The following PHACTR1 variants were observed in gnomAD, a reference collection of about 807,000 sequenced individuals.
PHACTR1 encodes the protein RPEL repeat containing 1.
PHACTR1 carries 16 observed loss-of-function variants against 69.2 expected under a neutral mutation model. That is an observed-to-expected ratio of 0.23 (90% CI 0.16 to 0.35). The LOEUF is 0.35. PHACTR1 is among the 10% of genes least tolerant of loss of function. PHACTR1 has a pLI of 1.00. For missense variants in PHACTR1, 510 were observed against 734.7 expected (o/e 0.69, Z 3.54); for synonymous variants, 312 against 284.5 (o/e 1.10, Z -0.97).
chr6:12,868,666 A>G (rs1781720612), intron 4 of PHACTR1, among the ~76,000 whole-genome samples: 1 of 152,166 alleles, frequency 6.6e-6, no homozygotes, highest in African/African-American at 2.4e-5. Context: ...AAAGTTGTCA[A>G]ATTCTTTCTT....
At chr6:12,780,207 C>G (rs976156981) in intron 4 of PHACTR1, among the ~76,000 whole-genome samples, 4 of 151,242 alleles carry the variant, frequency 2.6e-5, no homozygotes, top group African/African-American at 9.7e-5. Flanking sequence ...AAGCCCAAAT[C>G]TAGAAGATAG....
At chr6:13,201,151 A>G (rs1765182457) in intron 7 of PHACTR1, among the ~76,000 whole-genome samples, 1 of 152,106 alleles carries the variant, frequency 6.6e-6, no homozygotes, top group South Asian at 2.1e-4. Context: ...CCATCCAGGA[A>G]CTAGCTGGGA....
chr6:13,084,362 G>A (rs1362417431), intron 5 of PHACTR1, among the ~76,000 whole-genome samples: 3 of 133,138 alleles, frequency 2.3e-5, no homozygotes, highest in Non-Finnish European at 4.8e-5. Context: ...ATCACACACC[G>A]GGGACTGTTG....
intron 3 of PHACTR1, among the ~76,000 whole-genome samples, chr6:12,742,116 G>A (rs1438543200): frequency 6.6e-6 from 1 of 152,162 alleles, no homozygotes; most frequent in East Asian, 1.9e-4. Flanking sequence ...TAAAGGGAAA[G>A]CAAGTTTGTT....
At chr6:13,015,246 C>T (rs557616376) in intron 4 of PHACTR1, among the ~76,000 whole-genome samples, 5 of 152,132 alleles carry the variant, frequency 3.3e-5, no homozygotes, top group Non-Finnish European at 7.3e-5. Flanking sequence ...AAATTAGAGT[C>T]CTGCTAGCGT....
intron 10 of PHACTR1, among the ~76,000 whole-genome samples, chr6:13,251,046 C>A (rs1774323782): frequency 6.6e-6 from 1 of 152,180 alleles, no homozygotes; most frequent in African/African-American, 2.4e-5. Context: ...GTGAAAGGAG[C>A]TACTGACAGT....
At chr6:13,059,458 TCACACACACACACACA>T (rs57652223) in intron 5 of PHACTR1, among the ~76,000 whole-genome samples, 2 of 148,248 alleles carry the variant, frequency 1.3e-5, no homozygotes, top group Admixed American at 1.3e-4. Flanking sequence ...AATGTTCTTA[TCACACACACACACACA>T]CACACACACA....
chr6:12,924,053 T>G (rs1224531892), intron 4 of PHACTR1, among the ~76,000 whole-genome samples: 3 of 152,224 alleles, frequency 2.0e-5, no homozygotes, highest in Non-Finnish European at 4.4e-5. Context: ...AAAGACATGA[T>G]CTCCAAATAC....
intron 4 of PHACTR1, among the ~76,000 whole-genome samples, chr6:12,827,959 A>G (rs1003529772): frequency 6.6e-6 from 1 of 152,142 alleles, no homozygotes; most frequent in African/African-American, 2.4e-5. Flanking sequence ...CTCATTAGTC[A>G]CTTTGGTTTT....
intron 4 of PHACTR1, among the ~76,000 whole-genome samples, chr6:12,934,183 C>T (rs1472649980): frequency 1.3e-5 from 2 of 152,148 alleles, no homozygotes; most frequent in African/African-American, 2.4e-5. Context: ...TCTCTGACCC[C>T]GTCATCCCAT....
At chr6:13,114,046 C>T (rs944748329) in intron 5 of PHACTR1, among the ~76,000 whole-genome samples, 5 of 152,122 alleles carry the variant, frequency 3.3e-5, no homozygotes, top group African/African-American at 1.2e-4. Flanking sequence ...ATGCACAGGG[C>T]AGATTTCTGG....
chr6:12,760,329 A>G (rs1767884608), intron 4 of PHACTR1, among the ~76,000 whole-genome samples: 1 of 152,194 alleles, frequency 6.6e-6, no homozygotes, highest in Non-Finnish European at 1.5e-5. Flanking sequence ...CCAAATGAGA[A>G]AGGAAGTCAC....
At chr6:12,756,021 C>G (rs186985496) in intron 4 of PHACTR1, among the ~76,000 whole-genome samples, 1 of 152,184 alleles carries the variant, frequency 6.6e-6, no homozygotes, top group African/African-American at 2.4e-5. Context: ...AGGTTCATCA[C>G]CTACCAGTCA....
At position 12,730,633 on chromosome 6, in the gene PHACTR1, T is replaced by C. The variant is rs374329319; in HGVS notation, c.103+11786T>C. 2.1e-4 allele frequency among the ~76,000 whole-genome samples: 32 copies of C among 152,378 alleles called. 1 individual carries two copies. The highest frequency in any genetic ancestry group is 7.0e-4 in the African/African-American group (29 of 41,600). On this transcript the variant is annotated intron_variant, in intron 3 of 14. Transcript: ENST00000332995. ...CATTTATTTTAAGTTCAGGGATACATGTGCAGGTTTGTTACATAGGTAAAC... is the reference window on the plus strand; with the variant it reads ...CATTTATTTTAAGTTCAGGGATACACGTGCAGGTTTGTTACATAGGTAAAC...
chr6:13,025,699 G>C (rs1044509549), intron 4 of PHACTR1, among the ~76,000 whole-genome samples: 1 of 151,876 alleles, frequency 6.6e-6, no homozygotes, highest in Non-Finnish European at 1.5e-5. Flanking sequence ...GTGTGTGTGT[G>C]TGTGTGTGTG....
intron 5 of PHACTR1, among the ~76,000 whole-genome samples, chr6:13,064,926 G>A (rs1009303818): frequency 8.6e-5 from 13 of 152,006 alleles, no homozygotes; most frequent in Non-Finnish European, 1.9e-4. Flanking sequence ...CTGGATGAAC[G>A]CCTCAACTCA....
At chr6:13,005,765 G>A (rs1488397491) in intron 4 of PHACTR1, among the ~76,000 whole-genome samples, 3 of 152,018 alleles carry the variant, frequency 2.0e-5, no homozygotes, top group Non-Finnish European at 4.4e-5. Context: ...TATTTCCCAT[G>A]GAAGAAATCA....
In PHACTR1 at chr6:13,132,437, G is replaced by A. The variant is rs544106106; in HGVS notation, c.416-27767G>A. ...GATTGCATGTTCTGCAGACACCCGT[G>A]CTCTCCCACTGTCCTCCATGTCTTG... On this transcript the variant is annotated intron_variant, in intron 5 of 14. Coordinates refer to ENST00000332995, the MANE Select transcript of PHACTR1 (RefSeq NM_030948.6). Among the ~76,000 whole-genome samples the A allele has an allele frequency of 1.9e-4, 29 of 152,232 alleles. No individual in the cohort carries two copies. The South Asian group carries it at 5.6e-3, about 29-fold the overall frequency.
chr6:13,050,356 A>G (rs955052630), intron 4 of PHACTR1, among the ~76,000 whole-genome samples: 5 of 152,042 alleles, frequency 3.3e-5, no homozygotes, highest in African/African-American at 1.2e-4. Flanking sequence ...GCCTCCAGTA[A>G]TCTGTTATTT....
Sources: allele counts gnomAD v4.1 joint callset (sites outside exome capture counted in the v4.1 genomes callset), GRCh38; gene constraint gnomAD v4.1.1; transcripts MANE v1.5; gene names NCBI Gene and HGNC (gene_info 2026-07-23, HGNC 2026-07-21).